The following TMED8 variants were observed in gnomAD, a reference collection of about 807,000 sequenced individuals.
TMED8 encodes transmembrane p24 trafficking protein family member 8.
A neutral mutation model predicts 32.7 loss-of-function variants in TMED8; 15 were observed. The ratio of observed to expected loss-of-function variants is 0.46; its 90% CI spans 0.31 to 0.71. The LOEUF is 0.71. Ranked by LOEUF, TMED8 falls within the 30% of genes least tolerant of loss-of-function variation. TMED8 has a pLI of 0.06. For missense variants in TMED8, 390 were observed against 423.9 expected, an observed-to-expected ratio of 0.92 and a Z score of 0.70; for synonymous variants, 147 against 161.4, an observed-to-expected ratio of 0.91 and a Z score of 0.68.
intron 1 of TMED8, among the ~76,000 whole-genome samples, chr14:77,375,227 T>TA (rs905021099): frequency 9.5e-4 from 139 of 146,976 alleles, no homozygotes; most frequent in African/African-American, 1.7e-3. Flanking sequence ...TACATGACAT[T>TA]AAAAAAAAAA....
chr14:77,358,387 C>T (rs1327978481), intron 1 of TMED8, among the ~76,000 whole-genome samples: 3 of 152,116 alleles, frequency 2.0e-5, no homozygotes, highest in South Asian at 2.1e-4. Context: ...CTGCAACCTC[C>T]ACCTCCTGGG....
rs959902476 is a variant in TMED8 at position 77,376,823 on chromosome 14, G to A, written c.118+113C>T. The A allele has an allele frequency of 1.6e-4, 95 of 583,356 alleles. No individual in the cohort carries two copies. Among genetic ancestry groups the A allele is most frequent in the African/African-American group, 1.4e-3 (70 of 51,268 alleles). The allele number at this position is 583,356 out of a possible 1,614,324, so 36.1% of individuals were successfully genotyped here. On this transcript the variant is annotated intron_variant, in intron 1 of 5. Coordinates refer to ENST00000216468, the MANE Select transcript of TMED8 (RefSeq NM_213601.3). This position sits in a 1 kb window ranked among gnomAD's most constrained non-coding sequence, Gnocchi z 4.0. ...GCCCCGCGCGCGAAGGGGCTGCCGA[G>A]GTGGGTCCGCTCCGCGGGGAAGCCC...
rs778303582 is a variant in TMED8 at position 77,335,966 on chromosome 14, TC to T, written c.*5804del. 1.3e-5 allele frequency: 2 copies of T among 152,180 alleles called. No homozygotes were observed. Among genetic ancestry groups the T allele is most frequent in the Admixed American group, 6.5e-5 (1 of 15,278 alleles). 9.4% of individuals were successfully genotyped at this position (152,180 alleles called of 1,614,324 possible). ...GTTTTCCAGATGATTCTTGGCCTGA[TC>T]CTAAGAATCAACAATAACAATCAAT... On this transcript the variant is annotated 3_prime_UTR_variant, in exon 6 of 6. Coordinates refer to ENST00000216468, the MANE Select transcript of TMED8 (RefSeq NM_213601.3).
At chr14:77,375,669 T>C (rs1395255179) in intron 1 of TMED8, among the ~76,000 whole-genome samples, 4 of 152,148 alleles carry the variant, frequency 2.6e-5, no homozygotes, top group Non-Finnish European at 5.9e-5. Flanking sequence ...TGTGTTTGAA[T>C]AAGGCAGCAT....
intron 1 of TMED8, among the ~76,000 whole-genome samples, chr14:77,357,398 T>C (rs1332141246): frequency 5.3e-5 from 8 of 152,226 alleles, no homozygotes; most frequent in East Asian, 1.9e-4. Flanking sequence ...ATACAGGATT[T>C]CATTAAAAAC....
At chr14:77,372,906 T>TTTTTATATATATA (rs1227686477) in intron 1 of TMED8, among the ~76,000 whole-genome samples, 2 of 35,334 alleles carry the variant, frequency 5.7e-5, no homozygotes, top group African/African-American at 1.9e-4. Flanking sequence ...GCCACAGATA[T>TTTTTATATATATA]TATATATATA....
intron 3 of TMED8, 28 bp downstream of exon 3, chr14:77,346,321 T>C: frequency 6.2e-7 from 1 of 1,611,348 alleles, no homozygotes; most frequent in South Asian, 1.1e-5. Flanking sequence ...CCTCCTTTCA[T>C]AAGAAAGAGC....
At chr14:77,351,587 C>G in intron 2 of TMED8, 86 bp downstream of exon 2, 2 of 1,276,276 alleles carry the variant, frequency 1.6e-6, no homozygotes, top group South Asian at 2.6e-5. Context: ...ACTTGCCTCC[C>G]CGCTTAAAGT....
chr14:77,343,052 T>C, intron 5 of TMED8, 126 bp downstream of exon 5: 1 of 943,094 alleles, frequency 1.1e-6, no homozygotes, highest in Non-Finnish European at 1.6e-6. Context: ...ACCACTCAGC[T>C]TAGCTTGTAA....
At chr14:77,369,752 T>C (rs1454462002) in intron 1 of TMED8, among the ~76,000 whole-genome samples, 1 of 152,246 alleles carries the variant, frequency 6.6e-6, no homozygotes, top group Non-Finnish European at 1.5e-5. Context: ...ATTTCACCCA[T>C]ATTTTCTAAT....
At chr14:77,351,522 A>G in intron 2 of TMED8, 151 bp downstream of exon 2, 1 of 555,020 alleles carries the variant, frequency 1.8e-6, no homozygotes, top group African/African-American at 2.0e-5. Flanking sequence ...TGGCCTCCCA[A>G]AGTGCTGGGA....
chr14:77,343,903 C>G, intron 3 of TMED8, 80 bp from the exon 4 acceptor site: 1 of 1,482,706 alleles, frequency 6.7e-7, no homozygotes, highest in South Asian at 1.3e-5. Context: ...GGCTGCCCCA[C>G]CCCTGCTCTA....
At chr14:77,343,886 G>A (rs1254968067) in intron 3 of TMED8, 63 bp from the exon 4 acceptor site, 4 of 1,557,332 alleles carry the variant, frequency 2.6e-6, no homozygotes, top group Non-Finnish European at 3.5e-6. Flanking sequence ...ATCTCTTTTT[G>A]CATGAAGGCT....
In TMED8 at chr14:77,377,081, T is replaced by C. The variant is rs573434836; in HGVS notation, c.-28A>G. 2 of 1,318,872 alleles carry C rather than the reference T, an allele frequency of 1.5e-6. No homozygotes were observed. The highest frequency in any genetic ancestry group is 1.8e-5 in the South Asian group (1 of 54,504). The allele number at this position is 1,318,872 out of a possible 1,614,324, so 81.7% of individuals were successfully genotyped here. ...GCAGCCCGCGCACGGAGCTCTCCGC[T>C]GCCAGCCGCGAGTGGCTCCGGAAAC... On this transcript the variant is annotated 5_prime_UTR_variant, in exon 1 of 6. Coordinates refer to ENST00000216468, the MANE Select transcript of TMED8 (RefSeq NM_213601.3).
At chr14:77,351,294 G>A (rs1401912128) in intron 2 of TMED8, among the ~76,000 whole-genome samples, 1 of 150,826 alleles carries the variant, frequency 6.6e-6, no homozygotes, top group Non-Finnish European at 1.5e-5. Context: ...AGACCAGCCT[G>A]TCCAATATGA....
chr14:77,346,569 T>G, intron 2 of TMED8, 91 bp from the exon 3 acceptor site: 31 of 1,495,894 alleles, frequency 2.1e-5, no homozygotes, highest in Non-Finnish European at 2.5e-5. Context: ...ACATTCGAGA[T>G]ACCCCCTGCC....
At chr14:77,349,159 G>T (rs913354606) in intron 2 of TMED8, among the ~76,000 whole-genome samples, 12 of 136,984 alleles carry the variant, frequency 8.8e-5, no homozygotes, top group African/African-American at 3.4e-4. Context: ...CGCCCAAGCT[G>T]GGGTGTAGTG....
Position 77,351,682 on chromosome 14 carries a change from G to A in TMED8, c.188C>T (p.Ser63Leu), listed in dbSNP as rs1415571458. The A allele has an allele frequency of 3.7e-6, 6 of 1,613,200 alleles. No homozygotes were observed. Among genetic ancestry groups the A allele is most frequent in the South Asian group, 3.3e-5 (3 of 90,922 alleles). Residue 63 changes from serine to leucine, a missense_variant, in exon 2 of 6, where the codon TCA (serine) becomes TTA (leucine). Coordinates refer to ENST00000216468, the MANE Select transcript of TMED8 (RefSeq NM_213601.3). ...TATCCAAAGTGGTTACCTGTGGGGT[G>A]AGGAGCAGGGTTCTGGATCGGTGGC... ...ASATDPEPCS[S>L]PHRPQMVSPV... is the part of the protein sequence containing the mutation.
At position 77,335,032 on chromosome 14, in the gene TMED8, A is replaced by C. The variant is rs1892728568; in HGVS notation, c.*6739T>G. 1 of 152,240 alleles carries C rather than the reference A, an allele frequency of 6.6e-6. No individual in the cohort carries two copies. The highest frequency in any genetic ancestry group is 1.5e-5 in the Non-Finnish European group (1 of 68,040). The allele number at this position is 152,240 out of a possible 1,614,324, so 9.4% of individuals were successfully genotyped here. A position where few individuals can be genotyped will look rare whatever the true frequency, so the allele number is the denominator to read the frequency against. ...ATATAACTCAGATGTTACCAGGTGCATAGTGAAAAAGTTTATTTATGACAG... is the reference window on the plus strand; with the variant it reads ...ATATAACTCAGATGTTACCAGGTGCCTAGTGAAAAAGTTTATTTATGACAG... On this transcript the variant is annotated 3_prime_UTR_variant, in exon 6 of 6. Coordinates refer to ENST00000216468, the MANE Select transcript of TMED8 (RefSeq NM_213601.3).
Sources: gnomAD v4.1 joint callset for allele counts (sites outside exome capture counted in the v4.1 genomes callset) on GRCh38, gnomAD v4.1.1 for gene constraint, Gnocchi (gnomAD v3.1) non-coding constraint, MANE v1.5 for transcripts, NCBI Gene and HGNC (gene_info 2026-07-23, HGNC 2026-07-21) for gene names.